Variants in SGCZ observed in about 807,000 individuals in gnomAD.
SGCZ encodes the protein zeta-sarcoglycan.
A neutral mutation model predicts 41.3 loss-of-function variants in SGCZ; 40 were observed. The observed-to-expected ratio is 0.97, with a 90% CI of 0.75 to 1.26. The LOEUF (loss-of-function observed/expected upper bound fraction) is 1.26. Ranked by LOEUF, SGCZ falls within the 50% of genes most tolerant of loss-of-function variation. SGCZ has a pLI of 0.00. For missense variants in SGCZ, 552 were observed against 369.8 expected (o/e 1.49, Z -4.04); for synonymous variants, 206 against 137.5 (o/e 1.50, Z -3.49).
chr8:14,568,697 T>G (rs1290857642), intron 1 of SGCZ, among the ~76,000 whole-genome samples: 6 of 152,202 alleles, frequency 3.9e-5, no homozygotes, highest in Admixed American at 2.0e-4. Context: ...TCAGGCATTT[T>G]CCTAGAGGTT....
chr8:14,465,322 T>C (rs1801018930), intron 2 of SGCZ, among the ~76,000 whole-genome samples: 1 of 151,766 alleles, frequency 6.6e-6, no homozygotes, highest in African/African-American at 2.4e-5. Flanking sequence ...TATAATGTCC[T>C]TTTCTTGTGG....
chr8:14,669,339 C>A (rs1485820566), intron 1 of SGCZ, among the ~76,000 whole-genome samples: 1 of 139,228 alleles, frequency 7.2e-6, no homozygotes, highest in African/African-American at 2.6e-5. Flanking sequence ...GCCTGGACAA[C>A]AGAGCAAGAC....
intron 3 of SGCZ, among the ~76,000 whole-genome samples, chr8:14,260,277 G>A (rs557358248): frequency 1.3e-5 from 2 of 151,800 alleles, no homozygotes; most frequent in Non-Finnish European, 1.5e-5. Context: ...CCATCAAAAA[G>A]CGGGCGAAGG....
chr8:14,226,796 T>A lies in SGCZ; in HGVS notation c.424+10796A>T, dbSNP rs568000669. Among the ~76,000 whole-genome samples, 269 of 152,192 alleles carry A rather than the reference T, an allele frequency of 1.8e-3. 1 individual carries two copies. The highest frequency in any genetic ancestry group is 6.0e-3 in the African/African-American group (251 of 41,542). Reference sequence around the variant, plus strand: ...CAGGGAAACTGTGTTTTTAGAAAGGTGTAATGTTTTGCATTCCTAGCAGCA... The same window carrying A: ...CAGGGAAACTGTGTTTTTAGAAAGGAGTAATGTTTTGCATTCCTAGCAGCA... On this transcript the variant is annotated intron_variant, in intron 4 of 7. Coordinates refer to ENST00000382080, the MANE Select transcript of SGCZ (RefSeq NM_139167.4).
rs142596008 is a variant in SGCZ, at chr8:14,681,512, G to A, written c.40-126586C>T. Among the ~76,000 whole-genome samples the A allele has an allele frequency of 2.6e-5, 4 of 152,284 alleles. No individual in the cohort carries two copies. In the East Asian group the frequency reaches 5.8e-4, roughly 22 times the overall value. On this transcript the variant is annotated intron_variant, in intron 1 of 7. Coordinates refer to ENST00000382080, the MANE Select transcript of SGCZ (RefSeq NM_139167.4). ...CTACAGAAAGATAGATACCACCTATGTATATGTTACCTTGCCTGGATCATG... is the reference window on the plus strand; with the variant it reads ...CTACAGAAAGATAGATACCACCTATATATATGTTACCTTGCCTGGATCATG...
chr8:15,056,682 A>G (rs1032517599), intron 1 of SGCZ, among the ~76,000 whole-genome samples: 6 of 152,110 alleles, frequency 3.9e-5, no homozygotes, highest in African/African-American at 1.4e-4. Context: ...GCAGCTGGCT[A>G]AAGGAGATTT....
At chr8:14,787,748 A>T (rs1800815066) in intron 1 of SGCZ, among the ~76,000 whole-genome samples, 1 of 152,114 alleles carries the variant, frequency 6.6e-6, no homozygotes, top group African/African-American at 2.4e-5. Flanking sequence ...TGGGAGACAG[A>T]GGCAGGAGAA....
intron 1 of SGCZ, among the ~76,000 whole-genome samples, chr8:14,884,566 G>A (rs944452585): frequency 6.6e-6 from 1 of 151,904 alleles, no homozygotes; most frequent in Admixed American, 6.6e-5. Flanking sequence ...CTACAAAGGA[G>A]AAATCAAAAT....
chr8:14,499,002 T>G (rs1050790790), intron 2 of SGCZ, among the ~76,000 whole-genome samples: 96 of 152,128 alleles, frequency 6.3e-4, no homozygotes, highest in African/African-American at 2.3e-3. Context: ...GTATTCTCTT[T>G]AAATTTGGTG....
chr8:15,165,087 C>T (rs925648154), intron 1 of SGCZ, among the ~76,000 whole-genome samples: 2 of 152,034 alleles, frequency 1.3e-5, no homozygotes, highest in African/African-American at 4.8e-5. Flanking sequence ...GTCAGGAGTT[C>T]AAGACCAGCC....
chr8:14,529,007 A>G (rs910122968), intron 2 of SGCZ, among the ~76,000 whole-genome samples: 2 of 152,042 alleles, frequency 1.3e-5, no homozygotes, highest in African/African-American at 4.8e-5. Flanking sequence ...AAAATGGCTT[A>G]TGATCCTATT....
chr8:14,099,553 T>G (rs910707117), intron 7 of SGCZ, among the ~76,000 whole-genome samples: 3 of 152,072 alleles, frequency 2.0e-5, no homozygotes, highest in Non-Finnish European at 2.9e-5. Context: ...GGCGACACCC[T>G]GTCTCTTCTA....
intron 1 of SGCZ, among the ~76,000 whole-genome samples, chr8:15,213,376 T>G (rs192470064): frequency 6.6e-6 from 1 of 151,770 alleles, no homozygotes; most frequent in African/African-American, 2.4e-5. Context: ...TAGAAAAATA[T>G]TACCTAAACT....
intron 5 of SGCZ, among the ~76,000 whole-genome samples, chr8:14,142,132 A>G (rs1273677006): frequency 6.6e-6 from 1 of 152,172 alleles, no homozygotes; most frequent in South Asian, 2.1e-4. Flanking sequence ...GCACTTGGAC[A>G]CAGGGTGGGG....
At chr8:14,799,951 AT>A (rs1303711268) in intron 1 of SGCZ, among the ~76,000 whole-genome samples, 1 of 152,204 alleles carries the variant, frequency 6.6e-6, no homozygotes, top group Non-Finnish European at 1.5e-5. Context: ...AAACAGAGGT[AT>A]TTTTGTAAAA....
intron 2 of SGCZ, among the ~76,000 whole-genome samples, chr8:14,402,058 A>T (rs1343283339): frequency 6.6e-6 from 1 of 152,108 alleles, no homozygotes; most frequent in Non-Finnish European, 1.5e-5. Flanking sequence ...GCATTTTCTC[A>T]TGTGTTTTTA....
intron 1 of SGCZ, among the ~76,000 whole-genome samples, chr8:14,869,747 G>T (rs1022335752): frequency 6.6e-6 from 1 of 152,100 alleles, no homozygotes; most frequent in Non-Finnish European, 1.5e-5. Flanking sequence ...AAACTCTCAG[G>T]ATACACAATC....
At chr8:14,204,159 AGTGTGGTTT>A (rs1805543572) in intron 4 of SGCZ, among the ~76,000 whole-genome samples, 2 of 152,028 alleles carry the variant, frequency 1.3e-5, no homozygotes, top group Admixed American at 6.6e-5. Context: ...CCCCAGCAAC[AGTGTGGTTT>A]GGGAAAATGG....
At chr8:14,847,525 C>A in intron 1 of SGCZ, among the ~76,000 whole-genome samples, 1 of 150,910 alleles carries the variant, frequency 6.6e-6, no homozygotes. Context: ...AAAGGAAATA[C>A]ATAAGATAAT....
Sources: gnomAD v4.1 joint callset for allele counts (sites outside exome capture counted in the v4.1 genomes callset) on GRCh38, gnomAD v4.1.1 for gene constraint, MANE v1.5 for transcripts, NCBI Gene and HGNC (gene_info 2026-07-23, HGNC 2026-07-21) for gene names.